The following NUP50 variants were observed in gnomAD, a reference collection of about 807,000 sequenced individuals.
NUP50 encodes the protein nuclear pore complex protein Nup50.
Under a neutral mutation model 36.8 loss-of-function variants are expected in NUP50, and 14 were observed. The observed-to-expected ratio is 0.38, with a 90% CI of 0.25 to 0.59. NUP50 has a LOEUF of 0.59. Among genes scored for constraint, NUP50 ranks in the 20% least tolerant of loss-of-function variants. NUP50 has a pLI of 0.63. For missense variants in NUP50, 455 were observed against 564.6 expected (o/e 0.81, Z 1.97); for synonymous variants, 195 against 210.8 (o/e 0.93, Z 0.65).
rs748555851 is a variant in NUP50 at position 45,181,333 on chromosome 22, G to A, written c.1051G>A (p.Glu351Lys). 1.3e-5 allele frequency: 21 copies of A among 1,591,270 alleles called. No homozygotes were observed. The highest frequency in any genetic ancestry group is 5.7e-5 in the South Asian group (5 of 87,100). The change falls in exon 6 of 8, where the codon GAA (glutamate) becomes AAA (lysine). Residue 351 changes from glutamate (E) to lysine (K), a missense_variant. Around this residue, in one of 3 missense-constraint regions of NUP50, gnomAD observed 287 missense variants for 345.5 expected, o/e 0.83. Coordinates refer to ENST00000347635, the MANE Select transcript of NUP50 (RefSeq NM_007172.4). ...TGAGCCACCCAAAGTAGTAGTTACC[G>A]AAGTAAAAGAAGAAGATGCTTTTTA... ...NDEPPKVVVT[E>K]VKEEDAFYSK...
chr22:45,166,786 A>G (rs370295360), intron 1 of NUP50, among the ~76,000 whole-genome samples: 2 of 144,220 alleles, frequency 1.4e-5, no homozygotes, highest in African/African-American at 2.6e-5. Context: ...AAACTTAACC[A>G]AGTGTTTTTG....
chr22:45,173,554 A>G (rs1017116462), intron 3 of NUP50, among the ~76,000 whole-genome samples: 1 of 152,160 alleles, frequency 6.6e-6, no homozygotes, highest in African/African-American at 2.4e-5. Flanking sequence ...CTGGAAGACC[A>G]CTAGGTATAC....
intron 5 of NUP50, chr22:45,179,447 A>G (rs2074331643): frequency 6.5e-6 from 1 of 153,386 alleles, no homozygotes; most frequent in South Asian, 2.1e-4. Context: ...TCCTGTGTGT[A>G]TCGTCAGTGC....
At chr22:45,174,963 A>ATT (rs757710052) in intron 3 of NUP50, among the ~76,000 whole-genome samples, 12 of 146,822 alleles carry the variant, frequency 8.2e-5, no homozygotes, top group African/African-American at 2.2e-4. Context: ...TTCCAGTTTA[A>ATT]TTTTTTTTTT....
intron 2 of NUP50, chr22:45,171,035 C>A: frequency 7.7e-7 from 1 of 1,304,166 alleles, no homozygotes; most frequent in Non-Finnish European, 1.0e-6. Context: ...CAGCAGCTTT[C>A]TGACGTGGAC....
At chr22:45,181,101 A>G (rs1051308291) in intron 5 of NUP50, among the ~76,000 whole-genome samples, 185 bp from the exon 6 acceptor site, 1 of 151,356 alleles carries the variant, frequency 6.6e-6, no homozygotes. Flanking sequence ...TTTTCACAAA[A>G]TAGTTAAAAT....
intron 3 of NUP50, 128 bp from the exon 4 acceptor site, chr22:45,175,766 G>C (rs2074266771): frequency 1.4e-6 from 1 of 698,744 alleles, no homozygotes. Context: ...TGTGCCAGCA[G>C]TTTGCCTTAT....
intron 6 of NUP50, 67 bp downstream of exon 6, chr22:45,181,434 A>C: frequency 1.0e-6 from 1 of 994,912 alleles, no homozygotes; most frequent in Non-Finnish European, 1.5e-6. Context: ...CAGGCTGGAG[A>C]ATGTCCTCAC....
intron 3 of NUP50, 69 bp downstream of exon 3, chr22:45,171,752 C>T (rs769908285): frequency 3.5e-5 from 41 of 1,164,900 alleles, no homozygotes; most frequent in East Asian, 1.4e-4. Flanking sequence ...GCAATCCCTC[C>T]GCTGGGAGCA....
chr22:45,171,941 A>G, intron 3 of NUP50: 2 of 394,558 alleles, frequency 5.1e-6, no homozygotes, highest in South Asian at 3.3e-5. Context: ...TGAGCAAAGC[A>G]ATACAGAGGT....
intron 5 of NUP50, 93 bp from the exon 6 acceptor site, chr22:45,181,193 G>A (rs1300629828): frequency 1.6e-5 from 11 of 684,662 alleles, no homozygotes; most frequent in African/African-American, 8.3e-5. Flanking sequence ...GGAGTGCTCC[G>A]GTGGAGGTTT....
Position 45,184,896 on chromosome 22 carries a change from T to C in NUP50, c.*241T>C, listed in dbSNP as rs1202967177. 1.9e-6 allele frequency: 1 copy of C among 537,904 alleles called. No homozygotes were observed. 33.3% of individuals were successfully genotyped at this position (537,904 alleles called of 1,614,324 possible). A position where few individuals can be genotyped will look rare whatever the true frequency, so the allele number is the denominator to read the frequency against. On this transcript the variant is annotated 3_prime_UTR_variant, in exon 8 of 8. Coordinates refer to ENST00000347635, the MANE Select transcript of NUP50 (RefSeq NM_007172.4). ...ACATTTGAATGCAATTTTTGGAAGA[T>C]TTTTTAATGTTCGTTTATTAAACTA...
intron 6 of NUP50, among the ~76,000 whole-genome samples, chr22:45,181,650 CCCATT>C (rs955110523): frequency 6.6e-6 from 1 of 152,130 alleles, no homozygotes; most frequent in South Asian, 2.1e-4. Context: ...CCCATCCCAT[CCCATT>C]CCATCCCGTC....
intron 7 of NUP50, 40 bp downstream of exon 7, chr22:45,183,560 A>G (rs745897715): frequency 4.6e-5 from 58 of 1,250,130 alleles, no homozygotes; most frequent in Non-Finnish European, 6.1e-5. Flanking sequence ...TCATCATCAC[A>G]TAGTATATAA....
At chr22:45,166,731 C>CGCGTGAACCCGGGAAGCGGAGCTTGCAG (rs1365049641) in intron 1 of NUP50, among the ~76,000 whole-genome samples, 126 of 150,638 alleles carry the variant, frequency 8.4e-4, no homozygotes, top group East Asian at 1.6e-3. Flanking sequence ...AGAATTATGT[C>CGCGTGAACCCGGGAAGCGGAGCTTGCAG]TATTCCTGTA....
chr22:45,174,775 A>G (rs2074251439), intron 3 of NUP50, among the ~76,000 whole-genome samples: 1 of 152,210 alleles, frequency 6.6e-6, no homozygotes, highest in Admixed American at 6.5e-5. Context: ...AGCTCTGTTT[A>G]TTATGTGCAT....
At chr22:45,175,322 G>A (rs1276707609) in intron 3 of NUP50, among the ~76,000 whole-genome samples, 1 of 152,194 alleles carries the variant, frequency 6.6e-6, no homozygotes, top group Admixed American at 6.5e-5. Flanking sequence ...GAAGCAGTGA[G>A]GAAAAGGAGA....
At chr22:45,177,673 G>A (rs2074297985) in intron 4 of NUP50, 1 of 152,922 alleles carries the variant, frequency 6.5e-6, no homozygotes, top group African/African-American at 2.4e-5. Context: ...TCAGATAGGC[G>A]TCCTTTTGAA....
At chr22:45,182,782 G>A (rs1181832428) in intron 6 of NUP50, among the ~76,000 whole-genome samples, 1 of 151,520 alleles carries the variant, frequency 6.6e-6, no homozygotes, top group South Asian at 2.1e-4. Context: ...CCGCCACCAC[G>A]CTCAGCTAAT....
Sources: allele counts gnomAD v4.1 joint callset (sites outside exome capture counted in the v4.1 genomes callset), GRCh38; gene constraint gnomAD v4.1.1; regional missense constraint gnomAD v4.1.1; transcripts MANE v1.5; gene names NCBI Gene and HGNC (gene_info 2026-07-23, HGNC 2026-07-21).